Variants in LRP3 observed in about 807,000 individuals in gnomAD.
LRP3 encodes LDL receptor related protein 3, also known as low-density lipoprotein receptor-related protein 3.
Under a neutral mutation model 58.5 loss-of-function variants are expected in LRP3, and 49 were observed. The observed-to-expected ratio is 0.84, with a 90% CI of 0.67 to 1.06. The LOEUF (loss-of-function observed/expected upper bound fraction) is 1.06. Ranked by LOEUF, LRP3 falls within the 50% of genes least tolerant of loss-of-function variation. The pLI is 0.00. For synonymous variants in LRP3, 485 were observed against 492.2 expected (o/e 0.99, Z 0.20); for missense variants, 1,019 against 1,134.2 (o/e 0.90, Z 1.46).
chr19:33,204,446 G>A, intron 3 of LRP3, 192 bp from the exon 4 acceptor site: 1 of 622,200 alleles, frequency 1.6e-6, no homozygotes, highest in Non-Finnish European at 2.9e-6. Context: ...ACACCTGGAT[G>A]GGGACAGTGT....
chr19:33,204,094 C>CATTAAAAA, intron 3 of LRP3: 4 of 158,932 alleles, frequency 2.5e-5, no homozygotes, highest in Admixed American at 6.0e-5. Context: ...CTCTGTGCCT[C>CATTAAAAA]AGTTTCCCCA....
intron 2 of LRP3, 86 bp from the exon 3 acceptor site, chr19:33,202,762 G>T: frequency 1.4e-6 from 2 of 1,427,108 alleles, no homozygotes; most frequent in Non-Finnish European, 1.9e-6. Flanking sequence ...CATGGGGGAG[G>T]CCTGTGCTGA....
Position 33,205,813 on chromosome 19 carries a change from ACG to A in LRP3, c.1051_1052del (p.Ala351ProfsTer28). ...CAGGGCCGCCTCACTGTGGCCTACC[ACG>A]CGCGCGCCCGCAGCGCCGGCCACGG... is the stretch of plus-strand genomic sequence containing the variant. On this transcript the variant is annotated frameshift_variant, in exon 5 of 7. Coordinates refer to ENST00000253193, the MANE Select transcript of LRP3 (RefSeq NM_002333.4). LOFTEE classifies it high-confidence loss of function. 1 of 1,586,052 alleles carries A rather than the reference ACG, an allele frequency of 6.3e-7. No individual in the cohort carries two copies.
chr19:33,203,330 G>A (rs970094294), intron 3 of LRP3, among the ~76,000 whole-genome samples: 7 of 152,138 alleles, frequency 4.6e-5, no homozygotes, highest in African/African-American at 1.4e-4. Context: ...GCATATGTGT[G>A]TGTGTGCATG....
In LRP3 at chr19:33,206,223, G is replaced by A. The variant is rs1360032711; in HGVS notation, c.1453G>A (p.Asp485Asn). Reference protein sequence around the residue: ...DGQEDCQDGSDEHGCLAAVPR... With the variant: ...DGQEDCQDGSNEHGCLAAVPR... ...CCAGGAAGACTGCCAGGACGGCAGCGATGAGCATGGGTGCCTGGCCGCCGT... is the reference window on the plus strand; with the variant it reads ...CCAGGAAGACTGCCAGGACGGCAGCAATGAGCATGGGTGCCTGGCCGCCGT... Residue 485 changes from aspartate to asparagine, a missense_variant, in exon 5 of 7, where the codon GAT becomes AAT. Coordinates refer to ENST00000253193, the MANE Select transcript of LRP3 (RefSeq NM_002333.4). 5 of 1,596,486 alleles carry A rather than the reference G, an allele frequency of 3.1e-6. No homozygotes were observed. Among genetic ancestry groups the A allele is most frequent in the East Asian group, 2.3e-5 (1 of 44,414 alleles).
At position 33,194,449 on chromosome 19, in the gene LRP3, G is replaced by A. The variant is rs1478380548; in HGVS notation, c.-337G>A. ...CGCCGCGGGGCATGGGCGCGCCGGG[G>A]GTCCCCGGGCCCAGGCCGGCCGCGG... On this transcript the variant is annotated 5_prime_UTR_variant, in exon 1 of 7. Transcript: ENST00000253193. The A allele has an allele frequency of 6.9e-6, 1 of 144,116 alleles. No individual in the cohort carries two copies. The highest frequency in any genetic ancestry group is 2.5e-5 in the African/African-American group (1 of 40,226). The allele number at this position is 144,116 out of a possible 1,614,324, so 8.9% of individuals were successfully genotyped here.
Position 33,207,011 on chromosome 19 carries a change from C to T in LRP3, c.1749C>T (p.Arg583=), listed in dbSNP as rs773779166. 6.8e-7 allele frequency: 1 copy of T among 1,477,868 alleles called. No individual in the cohort carries two copies. The highest frequency in any genetic ancestry group is 2.5e-5 in the Admixed American group (1 of 39,688). The allele number at this position is 1,477,868 out of a possible 1,614,324, so 91.5% of individuals were successfully genotyped here. ...AGGCCTCTGTGCTGCAGAATCTTCG[C>T]ACAGCCATGCGGAGACAGATGCGTC... ...ASQASVLQNL[R]TAMRRQMRRH... is the part of the protein sequence containing the mutation. The change falls in exon 7 of 7, where the codon CGC becomes CGT. Residue 583 remains arginine, a synonymous_variant. Coordinates refer to ENST00000253193, the MANE Select transcript of LRP3 (RefSeq NM_002333.4).
chr19:33,206,941 GC>G, intron 6 of LRP3, 46 bp from the exon 7 acceptor site: 1 of 1,352,810 alleles, frequency 7.4e-7, no homozygotes. Flanking sequence ...CAGCCTGTCT[GC>G]CCCCTCAGCC....
chr19:33,205,093 C>A (rs559369355), intron 4 of LRP3, 153 bp from the exon 5 acceptor site: 1 of 893,894 alleles, frequency 1.1e-6, no homozygotes, highest in Non-Finnish European at 1.7e-6. Context: ...TAACCCCAGG[C>A]TCAGGTCAGG....
chr19:33,199,918 G>A (rs1438857121), intron 2 of LRP3, among the ~76,000 whole-genome samples: 3 of 152,236 alleles, frequency 2.0e-5, no homozygotes, highest in Admixed American at 1.3e-4. Flanking sequence ...AGGGCCCCAA[G>A]GAGAGGGGCA....
intron 2 of LRP3, among the ~76,000 whole-genome samples, chr19:33,202,624 G>C (rs1345566271): frequency 2.0e-5 from 3 of 152,192 alleles, no homozygotes; most frequent in Non-Finnish European, 2.9e-5. Flanking sequence ...CACTGCATAG[G>C]GTTGGGGGCT....
chr19:33,207,601 C>T lies in LRP3; in HGVS notation c.*26C>T, dbSNP rs764345282. ...CCGCTGGGCTCGCTGGTGACCGCCACAGCCCCGCTTTGTAACCAGGGAATA... is the reference window on the plus strand; with the variant it reads ...CCGCTGGGCTCGCTGGTGACCGCCATAGCCCCGCTTTGTAACCAGGGAATA... On this transcript the variant is annotated 3_prime_UTR_variant, in exon 7 of 7. Transcript: ENST00000253193. 5 of 1,503,352 alleles carry T rather than the reference C, an allele frequency of 3.3e-6. No individual in the cohort carries two copies. Among genetic ancestry groups the T allele is most frequent in the Non-Finnish European group, 4.6e-6 (5 of 1,092,860 alleles). 93.1% of individuals were successfully genotyped at this position (1,503,352 alleles called of 1,614,324 possible).
chr19:33,205,150 TG>T, intron 4 of LRP3, 95 bp from the exon 5 acceptor site: 1 of 1,357,870 alleles, frequency 7.4e-7, no homozygotes, highest in South Asian at 1.3e-5. Context: ...GCCACAGTGA[TG>T]GGGAACCACC....
chr19:33,205,713 G>A lies in LRP3; in HGVS notation c.943G>A (p.Gly315Ser), dbSNP rs1261992725. The A allele has an allele frequency of 6.2e-7, 1 of 1,602,476 alleles. No homozygotes were observed. The highest frequency in any genetic ancestry group is 8.5e-7 in the Non-Finnish European group (1 of 1,178,404). Residue 315 changes from glycine (G) to serine (S), a missense_variant, in exon 5 of 7, where the codon GGC (glycine) becomes AGC (serine). Transcript: ENST00000253193. The part of the protein sequence containing the change: ...DDYVQVYEGL[G>S]ERGDRLLQTL... ...CTACGTGCAGGTATACGAGGGCCTG[G>A]GCGAGCGCGGGGACCGCCTGCTGCA...
rs76456994 is a variant in LRP3, at chr19:33,204,156, C to T, written c.261-482C>T. On this transcript the variant is annotated intron_variant, in intron 3 of 6. Coordinates refer to ENST00000253193, the MANE Select transcript of LRP3 (RefSeq NM_002333.4). ...ATCTCCGGAGATGACAAGCTGTCAA[C>T]CTGCTGCAGCCTTAGCCAGCCCCGT... 879 of 167,362 alleles carry T rather than the reference C, an allele frequency of 5.3e-3. 23 individuals are homozygous for T. The East Asian group carries it at 0.077, about 15-fold the overall frequency. 10.4% of individuals were successfully genotyped at this position (167,362 alleles called of 1,614,324 possible). A position where few individuals can be genotyped will look rare whatever the true frequency, so the allele number is the denominator to read the frequency against.
Position 33,194,817 on chromosome 19 carries a change from G to C in LRP3, c.32G>C (p.Gly11Ala). 9.2e-7 allele frequency: 1 copy of C among 1,084,144 alleles called. No individual in the cohort carries two copies. The highest frequency in any genetic ancestry group is 1.1e-6 in the Non-Finnish European group (1 of 895,028). The allele number at this position is 1,084,144 out of a possible 1,614,324, so 67.2% of individuals were successfully genotyped here. MEKRAAAGLE[G>A]APGARAQLAV... ...AAGCGCGCGGCCGCGGGGCTGGAGG[G>C]CGCGCCGGGCGCCCGGGCGCAGCTG... is the stretch of plus-strand genomic sequence containing the variant. The change falls in exon 1 of 7, where the codon GGC (glycine) becomes GCC (alanine). Residue 11 changes from glycine (G) to alanine (A), a missense_variant. By Grantham distance (60) the Gly-to-Ala change is moderately conservative (BLOSUM62 0). This residue lies in a region of LRP3 where 592 missense variants were observed against 725.5 expected (regional missense o/e 0.82). Coordinates refer to ENST00000253193, the MANE Select transcript of LRP3 (RefSeq NM_002333.4).
chr19:33,204,548 G>A (rs1342690745), intron 3 of LRP3, 90 bp from the exon 4 acceptor site: 7 of 937,584 alleles, frequency 7.5e-6, no homozygotes, highest in African/African-American at 1.6e-5. Flanking sequence ...TGTCCTGGCC[G>A]TGGCTCCAGC....
chr19:33,206,983 C>G lies in LRP3; in HGVS notation c.1726-5C>G, dbSNP rs755302548. ...CCCCCGCCCCTACCCTGCTCCACCC[C>G]ACAGGCCTCTGTGCTGCAGAATCTT... On this transcript the variant is annotated splice_region_variant and splice_polypyrimidine_tract_variant and intron_variant, in intron 6 of 6. Transcript: ENST00000253193. 8.4e-5 allele frequency: 124 copies of G among 1,467,522 alleles called. No homozygotes were observed. The highest frequency in any genetic ancestry group is 1.0e-4 in the Non-Finnish European group (113 of 1,112,722). The allele number at this position is 1,467,522 out of a possible 1,614,324, so 90.9% of individuals were successfully genotyped here.
intron 6 of LRP3, 101 bp from the exon 7 acceptor site, chr19:33,206,887 C>G: frequency 9.1e-6 from 11 of 1,204,244 alleles, no homozygotes; most frequent in Non-Finnish European, 1.2e-5. Flanking sequence ...GGTGGTCTCT[C>G]GGGTCTCAGG....
Sources: gnomAD v4.1 joint callset for allele counts (sites outside exome capture counted in the v4.1 genomes callset) on GRCh38, gnomAD v4.1.1 for gene constraint, gnomAD v4.1.1 regional missense constraint, MANE v1.5 for transcripts, NCBI Gene and HGNC (gene_info 2026-07-23, HGNC 2026-07-21) for gene names.